Variants in MRPS27 observed in about 807,000 individuals in gnomAD.
MRPS27 encodes small ribosomal subunit protein mS27.
Under a neutral mutation model 48.9 loss-of-function variants are expected in MRPS27, and 43 were observed. The observed-to-expected ratio is 0.88, with a 90% CI of 0.69 to 1.13. The LOEUF (loss-of-function observed/expected upper bound fraction) is 1.13. Among genes scored for constraint, MRPS27 ranks in the 50% most tolerant of loss-of-function variants. The pLI is 0.00. For missense variants in MRPS27, 467 were observed against 476.3 expected, an observed-to-expected ratio of 0.98 and a Z score of 0.18; for synonymous variants, 188 against 171.9, an observed-to-expected ratio of 1.09 and a Z score of -0.73.
At chr5:72,276,943 A>T (rs113134982) in intron 4 of MRPS27, among the ~76,000 whole-genome samples, 1,658 of 152,212 alleles carry the variant, frequency 0.011, 28 homozygotes, top group African/African-American at 0.038. Flanking sequence ...AGGCAGGAGA[A>T]TTGCTTGAAC....
chr5:72,314,215 ATGTTT>A, intron 1 of MRPS27, 57 bp from the exon 2 acceptor site: 4 of 1,263,910 alleles, frequency 3.2e-6, no homozygotes, highest in Non-Finnish European at 4.6e-6. Flanking sequence ...TTCATTTTAT[ATGTTT>A]TATTAAATAT....
rs777270696 is a variant in MRPS27, at chr5:72,232,572, A to C, written c.476-14T>G. 6.4e-7 allele frequency: 1 copy of C among 1,558,038 alleles called. No individual in the cohort carries two copies. Among genetic ancestry groups the C allele is most frequent in the Non-Finnish European group, 8.8e-7 (1 of 1,132,414 alleles). On this transcript the variant is annotated splice_polypyrimidine_tract_variant and intron_variant, in intron 6 of 10. Coordinates refer to ENST00000261413, the MANE Select transcript of MRPS27 (RefSeq NM_015084.3). Reference sequence around the variant, plus strand: ...CAGATAAAGCATCTAGCAGAAGATGAAAGTAAAAAAGAGAGGAAATTAGTT... The same window carrying C: ...CAGATAAAGCATCTAGCAGAAGATGCAAGTAAAAAAGAGAGGAAATTAGTT...
At chr5:72,313,633 A>C (rs183196355) in intron 2 of MRPS27, among the ~76,000 whole-genome samples, 33 of 152,346 alleles carry the variant, frequency 2.2e-4, no homozygotes, top group Admixed American at 8.5e-4. Flanking sequence ...CTATTTCTCT[A>C]AACAGCTTAC....
At position 72,273,670 on chromosome 5, in the gene MRPS27, T is replaced by C. The variant is rs111989392; in HGVS notation, c.281+21861A>G. On this transcript the variant is annotated intron_variant, in intron 4 of 10. Coordinates refer to ENST00000261413, the MANE Select transcript of MRPS27 (RefSeq NM_015084.3). The stretch of plus-strand genomic sequence containing the variant: ...TACAATAAAAATATGGGATAAAAGA[T>C]ATAAAATGGTACATCTATATAGGGC... 3.2e-3 allele frequency among the ~76,000 whole-genome samples: 490 copies of C among 152,280 alleles called. 2 individuals carry two copies. The highest frequency in any genetic ancestry group is 0.011 in the African/African-American group (468 of 41,560).
rs1232777900 is a variant in MRPS27 at position 72,249,274 on chromosome 5, C to T, written c.282-11146G>A. On this transcript the variant is annotated intron_variant, in intron 4 of 10. Transcript: ENST00000261413. ...TTGATGAGGTCAAAGCTCCTCTCTT[C>T]TGCATTTGATCATTTATCAACCTAC... Among the ~76,000 whole-genome samples, 6 of 152,206 alleles carry T rather than the reference C, an allele frequency of 3.9e-5. No individual in the cohort carries two copies. The East Asian group carries it at 5.8e-4, about 15-fold the overall frequency.
At chr5:72,251,898 C>A (rs1422034636) in intron 4 of MRPS27, among the ~76,000 whole-genome samples, 1 of 152,166 alleles carries the variant, frequency 6.6e-6, no homozygotes, top group Non-Finnish European at 1.5e-5. Context: ...CATCACGTGC[C>A]CACCACTGGC....
At chr5:72,245,064 G>A (rs1289143859) in intron 4 of MRPS27, among the ~76,000 whole-genome samples, 3 of 152,178 alleles carry the variant, frequency 2.0e-5, no homozygotes, top group Non-Finnish European at 4.4e-5. Context: ...CATCACTGAG[G>A]TGCCCATCTG....
chr5:72,311,222 A>T (rs1471093844), intron 2 of MRPS27, among the ~76,000 whole-genome samples: 1 of 152,218 alleles, frequency 6.6e-6, no homozygotes, highest in Non-Finnish European at 1.5e-5. Context: ...ATGATTATAC[A>T]ATAGAATGTC....
At chr5:72,315,249 A>T (rs1171779808) in intron 1 of MRPS27, among the ~76,000 whole-genome samples, 2 of 151,636 alleles carry the variant, frequency 1.3e-5, no homozygotes, top group African/African-American at 2.4e-5. Context: ...ACTCAAAAAT[A>T]AAAAAAAAGA....
chr5:72,293,941 C>A (rs1029266447), intron 4 of MRPS27, among the ~76,000 whole-genome samples: 1 of 152,102 alleles, frequency 6.6e-6, no homozygotes, highest in Non-Finnish European at 1.5e-5. Context: ...TCCCAAAGAG[C>A]CACTAAAGGA....
chr5:72,280,647 T>G (rs953963941), intron 4 of MRPS27, among the ~76,000 whole-genome samples: 1 of 152,218 alleles, frequency 6.6e-6, no homozygotes, highest in Non-Finnish European at 1.5e-5. Flanking sequence ...CTCTTGTGCA[T>G]GCCAGATATC....
intron 2 of MRPS27, among the ~76,000 whole-genome samples, chr5:72,305,564 C>T (rs1213749589): frequency 6.6e-6 from 1 of 152,200 alleles, no homozygotes; most frequent in Non-Finnish European, 1.5e-5. Flanking sequence ...GAAACCAACA[C>T]AAACAAGCAA....
At chr5:72,262,116 G>C (rs1335300912) in intron 4 of MRPS27, among the ~76,000 whole-genome samples, 1 of 152,118 alleles carries the variant, frequency 6.6e-6, no homozygotes, top group Non-Finnish European at 1.5e-5. Context: ...AAACAGTATG[G>C]CATACTAGTG....
intron 4 of MRPS27, among the ~76,000 whole-genome samples, chr5:72,251,528 T>C (rs960119868): frequency 7.2e-5 from 11 of 152,188 alleles, no homozygotes; most frequent in African/African-American, 1.9e-4. Flanking sequence ...GGCACTGTTA[T>C]AATACAATGG....
intron 4 of MRPS27, among the ~76,000 whole-genome samples, chr5:72,241,016 T>C (rs1196319469): frequency 1.3e-5 from 2 of 152,246 alleles, no homozygotes; most frequent in Non-Finnish European, 2.9e-5. Flanking sequence ...GACCCAATTA[T>C]GTCTAGGGCA....
At chr5:72,261,796 C>T (rs1347736866) in intron 4 of MRPS27, among the ~76,000 whole-genome samples, 2 of 152,196 alleles carry the variant, frequency 1.3e-5, no homozygotes, top group Non-Finnish European at 2.9e-5. Context: ...CATTACCCCA[C>T]ATTCCAGCAT....
At chr5:72,295,876 G>A (rs1749966279) in intron 3 of MRPS27, among the ~76,000 whole-genome samples, 1 of 152,176 alleles carries the variant, frequency 6.6e-6, no homozygotes, top group Non-Finnish European at 1.5e-5. Flanking sequence ...AACAAGGAGA[G>A]TGTTCCACTG....
intron 4 of MRPS27, among the ~76,000 whole-genome samples, chr5:72,287,367 T>G (rs938419971): frequency 1.3e-5 from 2 of 151,952 alleles, no homozygotes; most frequent in Non-Finnish European, 2.9e-5. Context: ...AGGTTGGGTA[T>G]GGTGGCTCAT....
At chr5:72,223,533 C>A (rs1021011092) in intron 10 of MRPS27, 150 bp downstream of exon 10, 1 of 950,476 alleles carries the variant, frequency 1.1e-6, no homozygotes, top group Non-Finnish European at 1.5e-6. Flanking sequence ...AAGACCACTT[C>A]CTGTGCAAAG....
Sources: allele counts gnomAD v4.1 joint callset (sites outside exome capture counted in the v4.1 genomes callset), GRCh38; gene constraint gnomAD v4.1.1; transcripts MANE v1.5; gene names NCBI Gene and HGNC (gene_info 2026-07-23, HGNC 2026-07-21).